The following CIT variants were observed in gnomAD, a reference collection of about 807,000 sequenced individuals.
The protein encoded by CIT is citron Rho-interacting kinase.
A neutral mutation model predicts 272.7 loss-of-function variants in CIT; 79 were observed. That is an observed-to-expected ratio of 0.29 (90% CI 0.24 to 0.35). The LOEUF is 0.35. Ranked by LOEUF, CIT falls within the 10% of genes least tolerant of loss-of-function variation. The probability of loss-of-function intolerance (pLI) is 1.00; values close to 1 mark genes in which losing one functional copy is unlikely to be tolerated. For synonymous variants in CIT, 948 were observed against 995.6 expected, an observed-to-expected ratio of 0.95 and a Z score of 0.90; for missense variants, 1,909 against 2,618.3, an observed-to-expected ratio of 0.73 and a Z score of 5.91.
intron 10 of CIT, among the ~76,000 whole-genome samples, chr12:119,789,397 G>A (rs1813919923): frequency 6.6e-6 from 1 of 152,132 alleles, no homozygotes; most frequent in African/African-American, 2.4e-5. Flanking sequence ...ATGGTGGTGG[G>A]CTATGAATTT....
At chr12:119,830,311 G>C (rs954870114) in intron 7 of CIT, among the ~76,000 whole-genome samples, 4 of 151,348 alleles carry the variant, frequency 2.6e-5, no homozygotes, top group Non-Finnish European at 5.9e-5. Flanking sequence ...AAATAAACCT[G>C]GGAGGCTCCC....
At chr12:119,707,313 A>T (rs1956930029) in intron 40 of CIT, among the ~76,000 whole-genome samples, 1 of 152,222 alleles carries the variant, frequency 6.6e-6, no homozygotes, top group African/African-American at 2.4e-5. Flanking sequence ...TCATGGCTAC[A>T]CAAATTATTT....
Position 119,718,454 on chromosome 12 carries a change from T to C in CIT, c.4004-45A>G. On this transcript the variant is annotated intron_variant, in intron 31 of 47. Coordinates refer to ENST00000392521, the MANE Select transcript of CIT (RefSeq NM_001206999.2). This position sits in a 1 kb window ranked among gnomAD's most constrained non-coding sequence, Gnocchi z 4.8. ...ATGCCTTTTGGTTAGCTGGGTCGCC[T>C]AGAGGACCAAACTAAGCCGAATGTC... 3.8e-6 allele frequency: 6 copies of C among 1,569,552 alleles called. No individual in the cohort carries two copies. The highest frequency in any genetic ancestry group is 5.2e-6 in the Non-Finnish European group (6 of 1,155,358).
In CIT at chr12:119,857,636, T is replaced by C. The variant is rs1196862078; in HGVS notation, c.301A>G (p.Ser101Gly). The C allele has an allele frequency of 6.2e-7, 1 of 1,614,184 alleles. No homozygotes were observed. The highest frequency in any genetic ancestry group is 1.3e-5 in the African/African-American group (1 of 75,048). The change falls in exon 4 of 48, where the codon AGT (serine) becomes GGT (glycine). Residue 101 changes from serine (S) to glycine (G), a missense_variant. Coordinates refer to ENST00000392521, the MANE Select transcript of CIT (RefSeq NM_001206999.2). ...GCAAAGTGACCACAACCTACAAGACTTCTGACTTCGAAGTCCTTTGCCGAA... is the reference window on the plus strand; with the variant it reads ...GCAAAGTGACCACAACCTACAAGACCTCTGACTTCGAAGTCCTTTGCCGAA... ...QPSAKDFEVR[S>G]LVGCGHFAEV...
chr12:119,844,711 A>G (rs1466089148), intron 5 of CIT, among the ~76,000 whole-genome samples: 1 of 152,214 alleles, frequency 6.6e-6, no homozygotes, highest in Non-Finnish European at 1.5e-5. Context: ...AATATTAATA[A>G]TTACAAAATC....
chr12:119,839,071 T>C (rs1969220001), intron 5 of CIT, among the ~76,000 whole-genome samples: 3 of 152,228 alleles, frequency 2.0e-5, no homozygotes, highest in Admixed American at 2.0e-4. Flanking sequence ...ACCCTTCTGA[T>C]GGCAGCAGCT....
chr12:119,737,363 A>T (rs979484237), intron 24 of CIT, among the ~76,000 whole-genome samples: 2 of 149,870 alleles, frequency 1.3e-5, no homozygotes, highest in Non-Finnish European at 1.5e-5. Flanking sequence ...GAATAAATAG[A>T]CTAGACTATA....
chr12:119,785,013 TCTTTTCCATGGAG>T lies in CIT; in HGVS notation c.1335_1347del (p.Ser445ArgfsTer24). Reference sequence around the variant, plus strand: ...AGCTCTTTGCTTTTGATGAGAAGTTTCTTTTCCATGGAGCTAGTCTTGGCAGGGGAGTCCAGAC... The same window carrying T: ...AGCTCTTTGCTTTTGATGAGAAGTTTCTAGTCTTGGCAGGGGAGTCCAGAC... On this transcript the variant is annotated frameshift_variant, in exon 11 of 48. Coordinates refer to ENST00000392521, the MANE Select transcript of CIT (RefSeq NM_001206999.2). LOFTEE classifies it high-confidence loss of function. 6.2e-7 allele frequency: 1 copy of T among 1,614,202 alleles called. No individual in the cohort carries two copies. The highest frequency in any genetic ancestry group is 8.5e-7 in the Non-Finnish European group (1 of 1,180,038).
intron 24 of CIT, among the ~76,000 whole-genome samples, chr12:119,738,535 T>C (rs1199937499): frequency 6.6e-6 from 1 of 152,144 alleles, no homozygotes; most frequent in African/African-American, 2.4e-5. Context: ...CTTTCTTATA[T>C]GCTGTTTTTA....
intron 9 of CIT, among the ~76,000 whole-genome samples, chr12:119,808,272 T>G (rs1966722736): frequency 6.6e-6 from 1 of 152,176 alleles, no homozygotes. Context: ...TCTAACATGC[T>G]CCTTTGAGCT....
intron 40 of CIT, among the ~76,000 whole-genome samples, chr12:119,706,031 A>G (rs1956861428): frequency 1.3e-5 from 2 of 151,278 alleles, no homozygotes; most frequent in Middle Eastern, 3.2e-3. Flanking sequence ...CAGAGGCTAC[A>G]GTGAGCCAAG....
chr12:119,803,415 G>C, intron 9 of CIT, 26 bp from the exon 10 acceptor site: 1 of 1,507,074 alleles, frequency 6.6e-7, no homozygotes, highest in Admixed American at 2.2e-5. Flanking sequence ...CAAGAAAGGA[G>C]GCGGGGAGGA....
intron 26 of CIT, among the ~76,000 whole-genome samples, chr12:119,731,575 A>G (rs1958447152): frequency 6.6e-6 from 1 of 150,766 alleles, no homozygotes; most frequent in Admixed American, 6.6e-5. Context: ...GCAAAATAGG[A>G]AAAAAAAATC....
intron 12 of CIT, 115 bp from the exon 13 acceptor site, chr12:119,782,752 G>T: frequency 7.7e-7 from 1 of 1,292,338 alleles, no homozygotes; most frequent in Non-Finnish European, 1.0e-6. Flanking sequence ...TCGAGTGACG[G>T]ACCACAGTTC....
intron 23 of CIT, among the ~76,000 whole-genome samples, chr12:119,746,532 C>T (rs1156589797): frequency 6.6e-6 from 1 of 152,220 alleles, no homozygotes; most frequent in Non-Finnish European, 1.5e-5. Flanking sequence ...TAAAAAAGCT[C>T]ACTGGCTTAT....
chr12:119,832,684 AT>A, intron 7 of CIT, 86 bp downstream of exon 7: 1 of 1,117,648 alleles, frequency 8.9e-7, no homozygotes, highest in Non-Finnish European at 1.3e-6. Flanking sequence ...ATTGTTCACC[AT>A]TTTATCCCAA....
chr12:119,759,337 G>A (rs531275027), intron 20 of CIT, among the ~76,000 whole-genome samples: 3 of 152,180 alleles, frequency 2.0e-5, no homozygotes, highest in Non-Finnish European at 4.4e-5. Context: ...TCGAGGTTGC[G>A]TGCTCCTAAT....
chr12:119,700,680 T>C, intron 44 of CIT, 65 bp downstream of exon 44: 1 of 1,343,988 alleles, frequency 7.4e-7, no homozygotes, highest in South Asian at 1.2e-5. Flanking sequence ...CGCACCCGGA[T>C]GCAATTCTTT....
intron 10 of CIT, among the ~76,000 whole-genome samples, chr12:119,799,814 T>C (rs1966033041): frequency 6.6e-6 from 1 of 151,446 alleles, no homozygotes; most frequent in African/African-American, 2.4e-5. Context: ...AACTTACAAG[T>C]TTGTAAGCTT....
Sources: allele counts gnomAD v4.1 joint callset (sites outside exome capture counted in the v4.1 genomes callset), GRCh38; gene constraint gnomAD v4.1.1; non-coding constraint Gnocchi (gnomAD v3.1); transcripts MANE v1.5; gene names NCBI Gene and HGNC (gene_info 2026-07-23, HGNC 2026-07-21).